The following OR7E24 variants were observed in gnomAD, a reference collection of about 807,000 sequenced individuals.
OR7E24 encodes the protein olfactory receptor 7E24.
For missense variants in OR7E24, 385 were observed against 410.3 expected, an observed-to-expected ratio of 0.94 and a Z score of 0.53; for synonymous variants, 130 against 157.5, an observed-to-expected ratio of 0.83 and a Z score of 1.31.
At chr19:9,213,926 G>T in the OR7E24 span, 1 of 1,614,044 alleles carries the variant, frequency 6.2e-7, no homozygotes, top group Non-Finnish European at 8.5e-7. Flanking sequence ...CCCTGCTGAG[G>T]AGTCTTTCCA....
chr19:9,251,464 T>C lies in OR7E24; in HGVS notation c.421T>C (p.Phe141Leu). The change falls in exon 1 of 1, where the codon TTT becomes CTT. Residue 141 changes from phenylalanine to leucine, a missense_variant. Phe to Leu is a conservative substitution (Grantham distance 22). Transcript: ENST00000456448. ...CCTGAGTGTGATGGCCTATGACCGG[T>C]TTGTGGCCATCTGTCACCCCCTGCA... ...MLLSVMAYDR[F>L]VAICHPLHYR... is the part of the protein sequence containing the mutation. The C allele has an allele frequency of 6.2e-7, 1 of 1,614,166 alleles. No individual in the cohort carries two copies. The highest frequency in any genetic ancestry group is 1.1e-5 in the South Asian group (1 of 91,078).
At chr19:9,219,837 T>C in the OR7E24 span, among the ~76,000 whole-genome samples, 1 of 152,178 alleles carries the variant, frequency 6.6e-6, no homozygotes, top group Admixed American at 6.6e-5. Flanking sequence ...GATGGATTTA[T>C]TTCCCCCAAG....
the OR7E24 span, chr19:9,235,992 C>T: frequency 3.1e-6 from 5 of 1,612,058 alleles, no homozygotes; most frequent in South Asian, 2.2e-5. Context: ...TGGTCACCCC[C>T]ATGCTGAACC....
At chr19:9,227,630 C>A in the OR7E24 span, among the ~76,000 whole-genome samples, 150 of 151,834 alleles carry the variant, frequency 9.9e-4, no homozygotes, top group Admixed American at 9.4e-3. Flanking sequence ...GGTTCTATAC[C>A]TTTGCTATTG....
At chr19:9,215,017 G>A in the OR7E24 span, 1 of 578,434 alleles carries the variant, frequency 1.7e-6, no homozygotes, top group Non-Finnish European at 3.1e-6. Flanking sequence ...TTCTATTTGT[G>A]TAGAGTTATC....
chr19:9,221,129 G>A, the OR7E24 span, among the ~76,000 whole-genome samples: 2,006 of 151,292 alleles, frequency 0.013, 27 homozygotes, highest in African/African-American at 0.033. Flanking sequence ...AAAATTAGCC[G>A]GGCGTGGTGG....
chr19:9,207,961 ACAAT>A, the OR7E24 span: 2 of 152,154 alleles, frequency 1.3e-5, no homozygotes, highest in Admixed American at 6.5e-5. Context: ...TCCTGCAGTA[ACAAT>A]CAAGCCAACT....
the OR7E24 span, among the ~76,000 whole-genome samples, chr19:9,240,621 TAACAG>T: frequency 6.6e-6 from 1 of 152,218 alleles, no homozygotes; most frequent in African/African-American, 2.4e-5. Context: ...TCCATTTTCT[TAACAG>T]AACATTTTGA....
At chr19:9,231,993 T>G in the OR7E24 span, among the ~76,000 whole-genome samples, 2 of 152,184 alleles carry the variant, frequency 1.3e-5, no homozygotes, top group African/African-American at 4.8e-5. Context: ...AAAAAGAAAT[T>G]ACTTAGGCAG....
the OR7E24 span, chr19:9,207,292 TGTTTA>T: frequency 2.0e-5 from 3 of 152,304 alleles, no homozygotes; most frequent in African/African-American, 7.2e-5. Flanking sequence ...TTTAAAAATT[TGTTTA>T]GTTTTCTTTC....
At chr19:9,214,298 T>A in the OR7E24 span, 3 of 1,614,068 alleles carry the variant, frequency 1.9e-6, no homozygotes, top group African/African-American at 2.7e-5. Flanking sequence ...CCTGAGCCGG[T>A]TCACAGAAGA....
chr19:9,238,815 C>T, the OR7E24 span, among the ~76,000 whole-genome samples: 1 of 152,174 alleles, frequency 6.6e-6, no homozygotes, highest in Non-Finnish European at 1.5e-5. Flanking sequence ...ACCAGAAAGT[C>T]CTGCAGGTTC....
the OR7E24 span, among the ~76,000 whole-genome samples, chr19:9,223,316 C>T: frequency 1.3e-5 from 2 of 152,338 alleles, no homozygotes; most frequent in East Asian, 1.9e-4. Context: ...AGGATCAGCC[C>T]TTGTGGCCAC....
Position 9,251,966 on chromosome 19 carries a change from A to G in OR7E24, c.923A>G (p.Tyr308Cys), listed in dbSNP as rs376341038. ...ACCCCCATGCTGAACCCCTTCATCTACAGCCTGAGGAACAAGGACATTCAA... is the reference window on the plus strand; with the variant it reads ...ACCCCCATGCTGAACCCCTTCATCTGCAGCCTGAGGAACAAGGACATTCAA... ...VVTPMLNPFI[Y>C]SLRNKDIQSA... is the part of the protein sequence containing the mutation. Residue 308 changes from tyrosine to cysteine, a missense_variant, in exon 1 of 1, where the codon TAC becomes TGC. Coordinates refer to ENST00000456448, the MANE Select transcript of OR7E24 (RefSeq NM_001079935.2). The G allele has an allele frequency of 2.5e-6, 4 of 1,613,986 alleles. No homozygotes were observed. Among genetic ancestry groups the G allele is most frequent in the African/African-American group, 1.3e-5 (1 of 74,902 alleles).
chr19:9,243,879 G>T (rs2066122571), upstream of OR7E24, among the ~76,000 whole-genome samples: 1 of 152,188 alleles, frequency 6.6e-6, no homozygotes, highest in Non-Finnish European at 1.5e-5. Context: ...GGCCTTAGAG[G>T]CCTGAGACTT....
At chr19:9,231,404 AC>A in the OR7E24 span, among the ~76,000 whole-genome samples, 6 of 151,028 alleles carry the variant, frequency 4.0e-5, no homozygotes, top group African/African-American at 1.5e-4. Context: ...ACATGGTGAA[AC>A]CCCATCTCTA....
upstream of OR7E24, among the ~76,000 whole-genome samples, chr19:9,246,284 G>C (rs2144937218): frequency 6.6e-6 from 1 of 151,768 alleles, no homozygotes; most frequent in African/African-American, 2.4e-5. Context: ...TAGCCAGGAT[G>C]GTCTCGATCT....
chr19:9,252,069 G>A lies in OR7E24; in HGVS notation c.*6G>A, dbSNP rs762477321. 6.2e-6 allele frequency: 10 copies of A among 1,608,242 alleles called. No individual in the cohort carries two copies. In the Admixed American group the frequency reaches 1.7e-4, roughly 27 times the overall value. On this transcript the variant is annotated 3_prime_UTR_variant, in exon 1 of 1. Coordinates refer to ENST00000456448, the MANE Select transcript of OR7E24 (RefSeq NM_001079935.2). The stretch of plus-strand genomic sequence containing the variant: ...CTTTTTGTTATATGGGATAGAAATG[G>A]CAGCAAAATTTAACACCTAGGCCTG...
the OR7E24 span, among the ~76,000 whole-genome samples, chr19:9,220,377 G>T: frequency 6.6e-6 from 1 of 152,114 alleles, no homozygotes; most frequent in Non-Finnish European, 1.5e-5. Context: ...TCTGGGTCTG[G>T]TAACCAACAT....
Sources: gnomAD v4.1 joint callset for allele counts (sites outside exome capture counted in the v4.1 genomes callset) on GRCh38, gnomAD v4.1.1 for gene constraint, MANE v1.5 for transcripts, NCBI Gene and HGNC (gene_info 2026-07-23, HGNC 2026-07-21) for gene names.